LRP1B: variants seen among roughly 807,000 people sequenced by gnomAD.
LRP1B encodes LDL receptor related protein 1B.
In LRP1B, 217 loss-of-function variants were observed where a neutral mutation model predicts 556.6. The ratio of observed to expected loss-of-function variants is 0.39; its 90% CI spans 0.35 to 0.44. LRP1B has a LOEUF of 0.44. Among genes scored for constraint, LRP1B ranks in the 20% least tolerant of loss-of-function variants. The pLI, the probability that LRP1B is intolerant of heterozygous loss-of-function variation, is 1.00. For missense variants in LRP1B, 5,053 were observed against 5,620.8 expected, an observed-to-expected ratio of 0.90 and a Z score of 3.23; for synonymous variants, 2,047 against 1,865.8, an observed-to-expected ratio of 1.10 and a Z score of -2.50.
intron 41 of LRP1B, among the ~76,000 whole-genome samples, chr2:140,615,870 A>G (rs1465530365): frequency 2.0e-5 from 3 of 152,064 alleles, no homozygotes; most frequent in Admixed American, 1.3e-4. Flanking sequence ...TAAAGATTCT[A>G]TACTTATCTT....
intron 3 of LRP1B, among the ~76,000 whole-genome samples, chr2:141,282,592 A>G (rs1046919204): frequency 6.6e-6 from 1 of 151,822 alleles, no homozygotes; most frequent in Non-Finnish European, 1.5e-5. Flanking sequence ...GGAGATTTCA[A>G]TATAAAATGT....
chr2:140,867,245 G>A (rs979602289), intron 27 of LRP1B, among the ~76,000 whole-genome samples: 19 of 152,064 alleles, frequency 1.2e-4, no homozygotes, highest in Middle Eastern at 3.4e-3. Flanking sequence ...CTAAAATAGA[G>A]GAACTCAGGC....
chr2:141,896,820 C>T (rs1699466557), intron 1 of LRP1B, among the ~76,000 whole-genome samples: 2 of 152,158 alleles, frequency 1.3e-5, no homozygotes, highest in Non-Finnish European at 2.9e-5. Flanking sequence ...AAAATGCATT[C>T]CAAATCTAAA....
chr2:140,849,961 A>C, intron 29 of LRP1B, 141 bp downstream of exon 29: 1 of 616,514 alleles, frequency 1.6e-6, no homozygotes, highest in South Asian at 2.0e-5. Flanking sequence ...AGGATGTAGC[A>C]TATTATTAAA....
intron 2 of LRP1B, among the ~76,000 whole-genome samples, chr2:141,728,078 T>C (rs1693111882): frequency 3.3e-5 from 5 of 152,064 alleles, no homozygotes; most frequent in Admixed American, 3.3e-4. Context: ...GTATTTTTCA[T>C]GAGGTGTAAC....
intron 41 of LRP1B, among the ~76,000 whole-genome samples, chr2:140,624,935 G>A (rs760997233): frequency 3.3e-5 from 5 of 152,152 alleles, no homozygotes; most frequent in African/African-American, 7.2e-5. Flanking sequence ...AAGAAACAGC[G>A]TATGTCAAAG....
At chr2:141,283,863 A>T (rs1685603243) in intron 3 of LRP1B, among the ~76,000 whole-genome samples, 1 of 151,984 alleles carries the variant, frequency 6.6e-6, no homozygotes, top group Non-Finnish European at 1.5e-5. Flanking sequence ...CATAAAAAGG[A>T]AGGGAATAAT....
chr2:141,787,696 T>A lies in LRP1B; in HGVS notation c.205+22583A>T, dbSNP rs563797370. On this transcript the variant is annotated intron_variant, in intron 2 of 90. Coordinates refer to ENST00000389484, the MANE Select transcript of LRP1B (RefSeq NM_018557.3). ...ATAGTAGGCATTTATCAAACCTTTA[T>A]ACTAAAAGTTTTTTTACTGTACATA... 2.2e-3 allele frequency among the ~76,000 whole-genome samples: 336 copies of A among 152,018 alleles called. 1 individual carries two copies. The highest frequency in any genetic ancestry group is 2.3e-3 in the Non-Finnish European group (154 of 67,906).
At chr2:141,172,039 C>G (rs1001160581) in intron 7 of LRP1B, among the ~76,000 whole-genome samples, 2 of 152,108 alleles carry the variant, frequency 1.3e-5, no homozygotes, top group Non-Finnish European at 2.9e-5. Context: ...TTCATTGACT[C>G]TACTACTCCA....
intron 17 of LRP1B, among the ~76,000 whole-genome samples, chr2:140,983,941 A>G (rs940196630): frequency 3.9e-5 from 6 of 151,912 alleles, no homozygotes; most frequent in African/African-American, 1.4e-4. Context: ...AAATAATTCT[A>G]TATTGTCTCA....
intron 22 of LRP1B, among the ~76,000 whole-genome samples, chr2:140,903,892 T>G (rs1387210277): frequency 6.6e-6 from 1 of 151,880 alleles, no homozygotes; most frequent in East Asian, 1.9e-4. Flanking sequence ...CGATTACATA[T>G]ATAATTACAT....
intron 11 of LRP1B, among the ~76,000 whole-genome samples, chr2:141,038,660 T>A (rs573700887): frequency 5.9e-5 from 9 of 152,208 alleles, no homozygotes; most frequent in Admixed American, 2.6e-4. Context: ...CCTACTTTGG[T>A]ATCCCTAAAG....
In LRP1B at chr2:141,064,161, G is replaced by A. The variant is rs528587138; in HGVS notation, c.1014-1888C>T. Reference sequence around the variant, plus strand: ...GTTAGCAGTAACACAGATGTTCACAGACATCTAAAACAGAGAATTTTCAGA... The same window carrying A: ...GTTAGCAGTAACACAGATGTTCACAAACATCTAAAACAGAGAATTTTCAGA... On this transcript the variant is annotated intron_variant, in intron 7 of 90. Coordinates refer to ENST00000389484, the MANE Select transcript of LRP1B (RefSeq NM_018557.3). Among the ~76,000 whole-genome samples the A allele has an allele frequency of 2.4e-4, 36 of 152,018 alleles. No homozygotes were observed. In the Middle Eastern group the frequency reaches 0.014, roughly 57 times the overall value.
At chr2:140,282,035 T>G (rs2104967264) in intron 84 of LRP1B, among the ~76,000 whole-genome samples, 1 of 151,916 alleles carries the variant, frequency 6.6e-6, no homozygotes, top group East Asian at 1.9e-4. Flanking sequence ...ACTGGAAGCC[T>G]AAGTCCAGTC....
intron 41 of LRP1B, among the ~76,000 whole-genome samples, chr2:140,696,820 T>C (rs1686445456): frequency 6.6e-6 from 1 of 152,192 alleles, no homozygotes; most frequent in Non-Finnish European, 1.5e-5. Context: ...CCTTCGTCCA[T>C]GAAAAAATTA....
chr2:140,675,829 CAT>C (rs1685653135), intron 41 of LRP1B, among the ~76,000 whole-genome samples: 1 of 152,034 alleles, frequency 6.6e-6, no homozygotes, highest in Non-Finnish European at 1.5e-5. Context: ...TGTGCATACA[CAT>C]ATATATGTAC....
intron 55 of LRP1B, among the ~76,000 whole-genome samples, chr2:140,496,051 C>T (rs1449202879): frequency 6.6e-6 from 1 of 152,126 alleles, no homozygotes; most frequent in African/African-American, 2.4e-5. Flanking sequence ...AAACTTTCTA[C>T]TTCTTTTCTT....
chr2:140,413,517 G>A (rs1285121164), intron 66 of LRP1B, among the ~76,000 whole-genome samples: 1 of 152,000 alleles, frequency 6.6e-6, no homozygotes, highest in Non-Finnish European at 1.5e-5. Context: ...AGACATAGCT[G>A]GAGAGCCAAA....
chr2:140,539,280 A>G (rs1680045823), intron 45 of LRP1B, among the ~76,000 whole-genome samples: 1 of 152,124 alleles, frequency 6.6e-6, no homozygotes. Context: ...AGATGAGGAC[A>G]CAGATGTGCC....
Sources: gnomAD v4.1 joint callset for allele counts (sites outside exome capture counted in the v4.1 genomes callset) on GRCh38, gnomAD v4.1.1 for gene constraint, MANE v1.5 for transcripts, NCBI Gene and HGNC (gene_info 2026-07-23, HGNC 2026-07-21) for gene names.